The following TOR1AIP2 variants were observed in gnomAD, a reference collection of about 807,000 sequenced individuals.
TOR1AIP2 encodes the protein torsin 1A interacting protein 2, also known as torsin-1A-interacting protein 2.
In TOR1AIP2, 20 loss-of-function variants were observed where a neutral mutation model predicts 32.6. The observed-to-expected ratio is 0.61, with a 90% CI of 0.43 to 0.89. The LOEUF (loss-of-function observed/expected upper bound fraction) is 0.89, where lower values mean the gene tolerates loss of function less well. Ranked by LOEUF, TOR1AIP2 falls within the 40% of genes least tolerant of loss-of-function variation. TOR1AIP2 has a pLI of 0.00. For missense variants in TOR1AIP2, 456 were observed against 553.8 expected (o/e 0.82, Z 1.77); for synonymous variants, 214 against 210.8 (o/e 1.02, Z -0.13).
chr1:179,860,816 T>G, intron 3 of TOR1AIP2: 2 of 985,460 alleles, frequency 2.0e-6, no homozygotes, highest in Non-Finnish European at 2.4e-6. Context: ...CCATGGAGAC[T>G]CAGGGTTGCC....
rs1695700624 is a variant in TOR1AIP2 at position 179,840,901 on chromosome 1, A to AATAATAATAATAATAATAATAATT, written c.*5169_*5170insAATTATTATTATTATTATTATTAT. On this transcript the variant is annotated 3_prime_UTR_variant, in exon 7 of 7. Coordinates refer to ENST00000609928, the MANE Select transcript of TOR1AIP2 (RefSeq NM_001199260.2). ...CCAGAACTTAAACTATAATAATAAT[A>AATAATAATAATAATAATAATAATT]ATAATAATAATAATAAAGAAGTTAT... is the stretch of plus-strand genomic sequence containing the variant. 1 of 149,288 alleles carries AATAATAATAATAATAATAATAATT rather than the reference A, an allele frequency of 6.7e-6. No individual in the cohort carries two copies. The highest frequency in any genetic ancestry group is 1.5e-5 in the Non-Finnish European group (1 of 66,950). The allele number at this position is 149,288 out of a possible 1,614,324, so 9.2% of individuals were successfully genotyped here. A position where few individuals can be genotyped will look rare whatever the true frequency, so the allele number is the denominator to read the frequency against.
At chr1:179,857,927 GAGGATTGCTTGAGTCCAGA>G in intron 3 of TOR1AIP2, among the ~76,000 whole-genome samples, 1 of 152,256 alleles carries the variant, frequency 6.6e-6, no homozygotes, top group Middle Eastern at 3.4e-3. Context: ...GCCAAGGCAG[GAGGATTGCTTGAGTCCAGA>G]AGTTCAAGAT....
chr1:179,848,826 A>G (rs897500606), intron 5 of TOR1AIP2, among the ~76,000 whole-genome samples: 40 of 152,342 alleles, frequency 2.6e-4, no homozygotes, highest in African/African-American at 9.4e-4. Flanking sequence ...ATCTTGCCCA[A>G]GGTCACATAA....
chr1:179,860,514 C>T (rs560498258), intron 3 of TOR1AIP2: 1 of 985,464 alleles, frequency 1.0e-6, no homozygotes, highest in South Asian at 4.7e-5. Context: ...AAGACTCTAC[C>T]TTATTCCCCA....
Position 179,851,326 on chromosome 1 carries a change from ATTTAC to A in TOR1AIP2, c.67_71del (p.Val23PhefsTer12). 1 of 1,582,496 alleles carries A rather than the reference ATTTAC, an allele frequency of 6.3e-7. No homozygotes were observed. ...TGATTGTGGTCTCCTGCGCCTGAGA[ATTTAC>A]TGATGGATCATTTTCCAAATCCTTT... On this transcript the variant is annotated frameshift_variant, in exon 5 of 7. Transcript: ENST00000609928. LOFTEE classifies it high-confidence loss of function.
rs2148419383 is a variant in TOR1AIP2 at position 179,844,500 on chromosome 1, T to G, written c.*1571A>C. 1 of 152,324 alleles carries G rather than the reference T, an allele frequency of 6.6e-6. No homozygotes were observed. Among genetic ancestry groups the G allele is most frequent in the Non-Finnish European group, 1.5e-5 (1 of 68,030 alleles). 9.4% of individuals were successfully genotyped at this position (152,324 alleles called of 1,614,324 possible). Reference sequence around the variant, plus strand: ...AAATAATCCAGGATTATGGTAATAGTCTATATAATGGAACAGACCCTTTGT... The same window carrying G: ...AAATAATCCAGGATTATGGTAATAGGCTATATAATGGAACAGACCCTTTGT... On this transcript the variant is annotated 3_prime_UTR_variant, in exon 7 of 7. Transcript: ENST00000609928.
At chr1:179,856,230 C>T (rs1029921571) in intron 3 of TOR1AIP2, among the ~76,000 whole-genome samples, 3 of 152,130 alleles carry the variant, frequency 2.0e-5, no homozygotes, top group African/African-American at 7.2e-5. Context: ...CATTTGTTAT[C>T]AAACTTAAAA....
intron 3 of TOR1AIP2, among the ~76,000 whole-genome samples, chr1:179,854,355 T>C (rs1321577361): frequency 6.6e-6 from 1 of 152,148 alleles, no homozygotes; most frequent in Non-Finnish European, 1.5e-5. Context: ...ATATCATGCA[T>C]AGACAAATAA....
At chr1:179,864,973 G>A (rs1173093179) in intron 3 of TOR1AIP2, 4 of 1,614,002 alleles carry the variant, frequency 2.5e-6, no homozygotes, top group South Asian at 2.2e-5. Flanking sequence ...ACTCAAGTGG[G>A]AAAGACCAAG....
At chr1:179,869,994 A>C (rs1358274864) in intron 2 of TOR1AIP2, among the ~76,000 whole-genome samples, 1 of 152,226 alleles carries the variant, frequency 6.6e-6, no homozygotes, top group Non-Finnish European at 1.5e-5. Flanking sequence ...CTCTTCCACT[A>C]TGAATAAATA....
At chr1:179,868,056 C>G (rs1266297171) in intron 2 of TOR1AIP2, 2 of 152,218 alleles carry the variant, frequency 1.3e-5, no homozygotes, top group East Asian at 3.8e-4. Context: ...ATTCCTAACC[C>G]CTATCCCCAC....
chr1:179,867,722 G>A (rs923486672), intron 2 of TOR1AIP2: 1 of 152,174 alleles, frequency 6.6e-6, no homozygotes, highest in African/African-American at 2.4e-5. Context: ...TAGGAGTCAA[G>A]AGAAAGCCCT....
rs562273656 is a variant in TOR1AIP2, at chr1:179,860,484, AAAAAC to A, written c.-147+4947_-147+4951del. 51 of 985,448 alleles carry A rather than the reference AAAAAC, an allele frequency of 5.2e-5. No homozygotes were observed. The South Asian group carries it at 8.9e-4, about 17-fold the overall frequency. The allele number at this position is 985,448 out of a possible 1,614,324, so 61.0% of individuals were successfully genotyped here. ...GTGACAGAACGAGACTCTGTCTCAA[AAAAAC>A]AAAACAAAACAAGTAAGACTCTACC... On this transcript the variant is annotated intron_variant, in intron 3 of 6. Coordinates refer to ENST00000609928, the MANE Select transcript of TOR1AIP2 (RefSeq NM_001199260.2).
At position 179,846,282 on chromosome 1, in the gene TOR1AIP2, T is replaced by G; in HGVS notation, c.1202A>C (p.Glu401Ala). ...DVALVLTVLL[E>A]EETLEASVGP... ...TACACTTGCTTCTAATGTTTCCTCC[T>G]CTAGCAGAACAGTCAGGACCAGGGC... Residue 401 changes from glutamate (E) to alanine (A), a missense_variant, in exon 7 of 7, where the codon GAG becomes GCG. By Grantham distance (107) the Glu-to-Ala change is moderately radical (BLOSUM62 -1). Coordinates refer to ENST00000609928, the MANE Select transcript of TOR1AIP2 (RefSeq NM_001199260.2). 6.2e-7 allele frequency: 1 copy of G among 1,614,200 alleles called. No individual in the cohort carries two copies. Among genetic ancestry groups the G allele is most frequent in the Non-Finnish European group, 8.5e-7 (1 of 1,180,020 alleles).
chr1:179,867,007 T>C (rs1696810884), intron 2 of TOR1AIP2, among the ~76,000 whole-genome samples: 1 of 152,094 alleles, frequency 6.6e-6, no homozygotes, highest in South Asian at 2.1e-4. Flanking sequence ...CTTGATCCTA[T>C]GAGAGTAATA....
chr1:179,861,202 T>TA lies in TOR1AIP2; in HGVS notation c.-147+4233dup. ...AGAGACGAGTGTAGCTCACACTATT[T>TA]AAAACACTGGATAACCCTCCAGATC... is the stretch of plus-strand genomic sequence containing the variant. On this transcript the variant is annotated intron_variant, in intron 3 of 6. Transcript: ENST00000609928. 4 of 985,454 alleles carry TA rather than the reference T, an allele frequency of 4.1e-6. No individual in the cohort carries two copies. The South Asian group carries it at 1.9e-4, about 46-fold the overall frequency. 61.0% of individuals were successfully genotyped at this position (985,454 alleles called of 1,614,324 possible).
chr1:179,852,204 C>T (rs1342851423), intron 4 of TOR1AIP2, among the ~76,000 whole-genome samples: 2 of 151,368 alleles, frequency 1.3e-5, no homozygotes, highest in African/African-American at 4.9e-5. Flanking sequence ...CACTCGAGCC[C>T]GGGAGGCGGA....
intron 3 of TOR1AIP2, 72 bp downstream of exon 3, chr1:179,865,364 T>C: frequency 5.8e-6 from 4 of 684,388 alleles, no homozygotes; most frequent in East Asian, 5.6e-5. Context: ...TCGTTGTCTA[T>C]TTTTCACTCA....
Position 179,865,634 on chromosome 1 carries a change from G to T in TOR1AIP2, c.-345C>A, listed in dbSNP as rs41267612. On this transcript the variant is annotated 5_prime_UTR_variant, in exon 3 of 7. Coordinates refer to ENST00000609928, the MANE Select transcript of TOR1AIP2 (RefSeq NM_001199260.2). ...AACAGAGGAGCTGACAGGTCCAATG[G>T]GTCTTTTGTTGGCGCTGGCACTCTT... The T allele has an allele frequency of 0.031, 4,848 of 155,960 alleles. 112 individuals are homozygous for T. The highest frequency in any genetic ancestry group is 0.056 in the Middle Eastern group (17 of 304). The allele number at this position is 155,960 out of a possible 1,614,324, so 9.7% of individuals were successfully genotyped here. A position where few individuals can be genotyped will look rare whatever the true frequency, so the allele number is the denominator to read the frequency against.
Sources: gnomAD v4.1 joint callset for allele counts (sites outside exome capture counted in the v4.1 genomes callset) on GRCh38, gnomAD v4.1.1 for gene constraint, MANE v1.5 for transcripts, NCBI Gene and HGNC (gene_info 2026-07-23, HGNC 2026-07-21) for gene names.